Variants in CSMD3 observed in about 807,000 individuals in gnomAD.
The protein encoded by CSMD3 is CUB and sushi domain-containing protein 3.
CSMD3 carries 177 observed loss-of-function variants against 435.2 expected under a neutral mutation model. The ratio of observed to expected loss-of-function variants is 0.41; its 90% confidence interval spans 0.36 to 0.46. The LOEUF is 0.46. Ranked by LOEUF, CSMD3 falls within the 20% of genes least tolerant of loss-of-function variation. The pLI, the probability that CSMD3 is intolerant of heterozygous loss-of-function variation, is 0.34. For synonymous variants in CSMD3, 1,656 were observed against 1,520.5 expected, an observed-to-expected ratio of 1.09 and a Z score of -2.07; for missense variants, 4,265 against 4,504.6, an observed-to-expected ratio of 0.95 and a Z score of 1.52.
At chr8:112,559,226 A>G (rs1286660455) in intron 24 of CSMD3, among the ~76,000 whole-genome samples, 2 of 151,958 alleles carry the variant, frequency 1.3e-5, no homozygotes, top group African/African-American at 4.8e-5. Context: ...TCAATGAAGA[A>G]TGAGGCCCAG....
At chr8:113,337,278 GT>G (rs2094083721) in intron 1 of CSMD3, among the ~76,000 whole-genome samples, 1 of 152,030 alleles carries the variant, frequency 6.6e-6, no homozygotes, top group South Asian at 2.1e-4. Context: ...AACATAGAGG[GT>G]TTTTAGTTGT....
At chr8:112,862,402 T>A (rs1282640108) in intron 10 of CSMD3, among the ~76,000 whole-genome samples, 1 of 151,982 alleles carries the variant, frequency 6.6e-6, no homozygotes, top group Non-Finnish European at 1.5e-5. Context: ...TTTTGCAGAT[T>A]TAGCAGTATG....
At chr8:113,111,178 C>T (rs1216301733) in intron 4 of CSMD3, among the ~76,000 whole-genome samples, 2 of 152,034 alleles carry the variant, frequency 1.3e-5, no homozygotes, top group East Asian at 1.9e-4. Flanking sequence ...TTGTCATTCC[C>T]AGGTCAGAAG....
chr8:112,253,651 C>T (rs1291932792), intron 63 of CSMD3, among the ~76,000 whole-genome samples: 2 of 151,900 alleles, frequency 1.3e-5, no homozygotes, highest in African/African-American at 2.4e-5. Context: ...GAATCTCTAC[C>T]TAAAATCTAA....
At chr8:113,170,067 C>T (rs2092239368) in intron 4 of CSMD3, among the ~76,000 whole-genome samples, 1 of 152,108 alleles carries the variant, frequency 6.6e-6, no homozygotes, top group Non-Finnish European at 1.5e-5. Flanking sequence ...CAAAAGAACT[C>T]TCTACAAGCA....
At chr8:113,020,362 A>G (rs1224742808) in intron 5 of CSMD3, among the ~76,000 whole-genome samples, 1 of 152,086 alleles carries the variant, frequency 6.6e-6, no homozygotes, top group Non-Finnish European at 1.5e-5. Context: ...TATTGGAACT[A>G]TGCTCCAGAT....
At chr8:112,641,150 A>G (rs1275226682) in intron 20 of CSMD3, among the ~76,000 whole-genome samples, 2 of 152,102 alleles carry the variant, frequency 1.3e-5, no homozygotes, top group African/African-American at 2.4e-5. Context: ...CTATTGATCA[A>G]TTTCCCAAAA....
chr8:112,559,611 T>G (rs1182073261), intron 24 of CSMD3, among the ~76,000 whole-genome samples: 1 of 151,740 alleles, frequency 6.6e-6, no homozygotes, highest in African/African-American at 2.4e-5. Context: ...CATTTGCATA[T>G]TCAAAGTAAA....
intron 3 of CSMD3, among the ~76,000 whole-genome samples, chr8:113,209,444 G>A (rs2132068945): frequency 6.6e-6 from 1 of 152,256 alleles, no homozygotes; most frequent in South Asian, 2.1e-4. Flanking sequence ...AACAAGTGTT[G>A]CTAGTGCCGT....
intron 24 of CSMD3, among the ~76,000 whole-genome samples, chr8:112,564,893 CTT>C (rs1291847140): frequency 6.6e-6 from 1 of 152,054 alleles, no homozygotes; most frequent in Non-Finnish European, 1.5e-5. Context: ...CTAAGCCACA[CTT>C]TTATTTTCTA....
rs138619258 is a variant in CSMD3 at position 112,704,484 on chromosome 8, G to A, written c.1973-14434C>T. Among the ~76,000 whole-genome samples the A allele has an allele frequency of 1.2e-4, 19 of 152,182 alleles. No individual in the cohort carries two copies. The East Asian group carries it at 2.3e-3, about 19-fold the overall frequency. On this transcript the variant is annotated intron_variant, in intron 13 of 70. Coordinates refer to ENST00000297405, the MANE Select transcript of CSMD3 (RefSeq NM_198123.2). ...TACAGGATGGCTAGAAGACCTGCACGAAATGTCTGTGGACAGACAAGGAGT... is the reference window on the plus strand; with the variant it reads ...TACAGGATGGCTAGAAGACCTGCACAAAATGTCTGTGGACAGACAAGGAGT...
chr8:113,147,216 A>G (rs1172328916), intron 4 of CSMD3, among the ~76,000 whole-genome samples: 1 of 151,728 alleles, frequency 6.6e-6, no homozygotes, highest in Non-Finnish European at 1.5e-5. Context: ...TATGGTTGTT[A>G]GCTATTTTTT....
intron 10 of CSMD3, among the ~76,000 whole-genome samples, chr8:112,860,814 G>C (rs2080806719): frequency 6.6e-6 from 1 of 151,632 alleles, no homozygotes; most frequent in Non-Finnish European, 1.5e-5. Flanking sequence ...TTTCCCATCT[G>C]ACCCTTAAGT....
chr8:112,452,908 T>A (rs1475184207), intron 32 of CSMD3, among the ~76,000 whole-genome samples: 1 of 152,120 alleles, frequency 6.6e-6, no homozygotes, highest in Non-Finnish European at 1.5e-5. Flanking sequence ...ACAAAACAAA[T>A]CAACTACAGT....
At chr8:113,311,488 T>G (rs577357584) in intron 2 of CSMD3, 44 of 151,720 alleles carry the variant, frequency 2.9e-4, no homozygotes, top group Non-Finnish European at 5.4e-4. Context: ...TTGGAGCTCA[T>G]GAAAAGTAAA....
At chr8:112,255,482 A>C in intron 61 of CSMD3, 55 bp from the exon 62 acceptor site, 1 of 1,468,332 alleles carries the variant, frequency 6.8e-7, no homozygotes, top group Non-Finnish European at 9.5e-7. Flanking sequence ...AGCAGAGTAC[A>C]CAGTTTGGAA....
At chr8:112,567,594 A>T (rs1156482861) in intron 24 of CSMD3, among the ~76,000 whole-genome samples, 3 of 152,180 alleles carry the variant, frequency 2.0e-5, no homozygotes, top group Admixed American at 6.6e-5. Flanking sequence ...ATGCCAGGTG[A>T]CCAAGTAGAA....
intron 1 of CSMD3, among the ~76,000 whole-genome samples, chr8:113,426,857 A>T (rs755954424): frequency 6.6e-6 from 1 of 151,532 alleles, no homozygotes; most frequent in Non-Finnish European, 1.5e-5. Context: ...ACAGACTTGG[A>T]GACAAATCGT....
intron 1 of CSMD3, among the ~76,000 whole-genome samples, chr8:113,391,608 A>G (rs2094461452): frequency 1.3e-5 from 2 of 152,056 alleles, no homozygotes; most frequent in African/African-American, 2.4e-5. Flanking sequence ...ATAAAAACAT[A>G]AAATACTGCG....
Sources: allele counts gnomAD v4.1 joint callset (sites outside exome capture counted in the v4.1 genomes callset), GRCh38; gene constraint gnomAD v4.1.1; transcripts MANE v1.5; gene names NCBI Gene and HGNC (gene_info 2026-07-23, HGNC 2026-07-21).